AHCYL2: variants seen among roughly 807,000 people sequenced by gnomAD.
AHCYL2 encodes the protein adenosylhomocysteinase like 2.
AHCYL2 carries 28 observed loss-of-function variants against 81.4 expected under a neutral mutation model. The observed-to-expected ratio is 0.34, with a 90% confidence interval of 0.25 to 0.47. The LOEUF (loss-of-function observed/expected upper bound fraction) is 0.47, where lower values mean the gene tolerates loss of function less well. AHCYL2 is among the 20% of genes least tolerant of loss of function. The pLI is 1.00. For missense variants in AHCYL2, 551 were observed against 785.1 expected, an observed-to-expected ratio of 0.70 and a Z score of 3.56; for synonymous variants, 272 against 290.2, an observed-to-expected ratio of 0.94 and a Z score of 0.64.
chr7:129,256,790 G>A (rs1795444200), intron 1 of AHCYL2, among the ~76,000 whole-genome samples: 1 of 151,290 alleles, frequency 6.6e-6, no homozygotes, highest in South Asian at 2.1e-4. Context: ...TTGTTCAAAA[G>A]GTTTTTTTTT....
chr7:129,234,437 G>T (rs1213923414), intron 1 of AHCYL2, among the ~76,000 whole-genome samples: 2 of 152,112 alleles, frequency 1.3e-5, no homozygotes, highest in South Asian at 2.1e-4. Context: ...TAGAGACGGG[G>T]TTTCACCAGG....
Position 129,409,578 on chromosome 7 carries a change from C to G in AHCYL2, c.1366+32C>G, listed in dbSNP as rs538461530. On this transcript the variant is annotated intron_variant, in intron 11 of 16. Transcript: ENST00000325006. ...TAATGACATTTTAAATGGGGTGGCACTTGGGAATGTTTTTATGGAGCAGGT... is the reference window on the plus strand; with the variant it reads ...TAATGACATTTTAAATGGGGTGGCAGTTGGGAATGTTTTTATGGAGCAGGT... 9 of 1,556,978 alleles carry G rather than the reference C, an allele frequency of 5.8e-6. No homozygotes were observed. The Admixed American group carries it at 1.0e-4, about 18-fold the overall frequency.
chr7:129,294,627 C>G lies in AHCYL2; in HGVS notation c.363+69188C>G, dbSNP rs765068384. ...CTAAATATCTCTCTTTCTACTACAC[C>G]ATGTTAATCTATATCCACCACAACA... On this transcript the variant is annotated intron_variant, in intron 1 of 16. Transcript: ENST00000325006. Among the ~76,000 whole-genome samples the G allele has an allele frequency of 1.2e-4, 19 of 152,106 alleles. 1 individual carries two copies. The highest frequency in any genetic ancestry group is 3.9e-4 in the Admixed American group (6 of 15,270).
chr7:129,342,352 T>C (rs1793214311), intron 1 of AHCYL2, among the ~76,000 whole-genome samples: 1 of 152,114 alleles, frequency 6.6e-6, no homozygotes, highest in African/African-American at 2.4e-5. Context: ...GTTTTGATCC[T>C]AAGTGACCAG....
intron 1 of AHCYL2, among the ~76,000 whole-genome samples, chr7:129,280,696 G>GT (rs200594068): frequency 2.4e-4 from 35 of 146,058 alleles, no homozygotes; most frequent in African/African-American, 3.2e-4. Context: ...ATTAGCTGTT[G>GT]TTTTTTTTTT....
intron 1 of AHCYL2, among the ~76,000 whole-genome samples, chr7:129,280,152 C>T (rs1225786700): frequency 1.5e-5 from 2 of 137,212 alleles, no homozygotes; most frequent in Admixed American, 1.5e-4. Context: ...ATAAATTGAT[C>T]TTATAGTCTT....
intron 5 of AHCYL2, among the ~76,000 whole-genome samples, chr7:129,398,899 T>A (rs951096933): frequency 6.6e-6 from 1 of 151,930 alleles, no homozygotes; most frequent in African/African-American, 2.4e-5. Context: ...ATTCCCACTT[T>A]GGGAAGCTGA....
intron 1 of AHCYL2, among the ~76,000 whole-genome samples, chr7:129,258,093 C>T (rs982262274): frequency 2.0e-5 from 3 of 152,108 alleles, no homozygotes; most frequent in African/African-American, 7.2e-5. Flanking sequence ...TAGGAGGACA[C>T]CTACAGATCA....
chr7:129,242,845 C>CATTA (rs1179548983), intron 1 of AHCYL2, among the ~76,000 whole-genome samples: 3 of 152,072 alleles, frequency 2.0e-5, no homozygotes. Context: ...TGTCGTCAGA[C>CATTA]ATTAAACTTC....
At chr7:129,395,218 T>A (rs1206491963) in intron 4 of AHCYL2, among the ~76,000 whole-genome samples, 1 of 152,232 alleles carries the variant, frequency 6.6e-6, no homozygotes, top group Non-Finnish European at 1.5e-5. Flanking sequence ...TTCAGCTACT[T>A]CTGCACATGT....
chr7:129,296,750 T>C (rs1424242553), intron 1 of AHCYL2, among the ~76,000 whole-genome samples: 1 of 152,088 alleles, frequency 6.6e-6, no homozygotes, highest in African/African-American at 2.4e-5. Context: ...CTTCCTAGAA[T>C]GGTCCATGCA....
chr7:129,402,805 A>G (rs752243208), intron 6 of AHCYL2, among the ~76,000 whole-genome samples: 1 of 152,218 alleles, frequency 6.6e-6, no homozygotes, highest in African/African-American at 2.4e-5. Context: ...AAAACCCTAC[A>G]GTGCTGCCTG....
At chr7:129,312,351 G>A (rs1470722012) in intron 1 of AHCYL2, among the ~76,000 whole-genome samples, 1 of 152,298 alleles carries the variant, frequency 6.6e-6, no homozygotes, top group South Asian at 2.1e-4. Context: ...CTCCCAAAGT[G>A]CTGGGATTAC....
chr7:129,394,550 C>T lies in AHCYL2; in HGVS notation c.721-2672C>T, dbSNP rs142382412. 3.7e-4 allele frequency among the ~76,000 whole-genome samples: 53 copies of T among 144,920 alleles called. No individual in the cohort carries two copies. The East Asian group carries it at 5.4e-3, about 15-fold the overall frequency. On this transcript the variant is annotated intron_variant, in intron 4 of 16. Coordinates refer to ENST00000325006, the MANE Select transcript of AHCYL2 (RefSeq NM_015328.4). ...ACAACCTCCACCTCCTGGGATCAAG[C>T]GATTCTCCTGCCTCAGCCTCCCGAA...
At chr7:129,244,665 C>G (rs1304671764) in intron 1 of AHCYL2, among the ~76,000 whole-genome samples, 5 of 152,302 alleles carry the variant, frequency 3.3e-5, no homozygotes, top group East Asian at 1.9e-4. Context: ...CCCTCATGAC[C>G]TAATCACCTC....
At chr7:129,335,969 T>G (rs894589067) in intron 1 of AHCYL2, among the ~76,000 whole-genome samples, 5 of 152,142 alleles carry the variant, frequency 3.3e-5, no homozygotes, top group African/African-American at 1.2e-4. Flanking sequence ...TGCCACATTT[T>G]CTCTTCATAG....
chr7:129,392,279 C>T (rs1386197195), intron 4 of AHCYL2, among the ~76,000 whole-genome samples: 4 of 152,094 alleles, frequency 2.6e-5, no homozygotes, highest in African/African-American at 9.7e-5. Context: ...AACAAAATAC[C>T]TTAGACTGGG....
At chr7:129,314,182 CAT>C (rs1048513471) in intron 1 of AHCYL2, among the ~76,000 whole-genome samples, 2 of 152,190 alleles carry the variant, frequency 1.3e-5, no homozygotes, top group South Asian at 2.1e-4. Context: ...CTTCTAGTCT[CAT>C]GTGTCACTTT....
At chr7:129,237,875 A>G (rs1432364045) in intron 1 of AHCYL2, among the ~76,000 whole-genome samples, 2 of 151,968 alleles carry the variant, frequency 1.3e-5, no homozygotes, top group African/African-American at 4.8e-5. Context: ...CCACCACTGC[A>G]CCCAGCTAAT....
Sources: gnomAD v4.1 joint callset for allele counts (sites outside exome capture counted in the v4.1 genomes callset) on GRCh38, gnomAD v4.1.1 for gene constraint, MANE v1.5 for transcripts, NCBI Gene and HGNC (gene_info 2026-07-23, HGNC 2026-07-21) for gene names.